Variants in FNBP1L observed in about 807,000 individuals in gnomAD.
FNBP1L encodes formin binding protein 1 like.
A neutral mutation model predicts 91.2 loss-of-function variants in FNBP1L; 36 were observed. The ratio of observed to expected loss-of-function variants is 0.39; its 90% CI spans 0.30 to 0.52. The LOEUF is 0.52. Ranked by LOEUF, FNBP1L falls within the 20% of genes least tolerant of loss-of-function variation. The pLI is 0.66. For missense variants in FNBP1L, 571 were observed against 732.1 expected (o/e 0.78, Z 2.54); for synonymous variants, 242 against 237.0 (o/e 1.02, Z -0.19).
chr1:93,548,834 T>G (rs1672318970), intron 14 of FNBP1L, among the ~76,000 whole-genome samples: 1 of 152,178 alleles, frequency 6.6e-6, no homozygotes. Flanking sequence ...TGTGAACTGG[T>G]TATATAGATG....
chr1:93,529,352 C>G (rs1196504184), intron 5 of FNBP1L, among the ~76,000 whole-genome samples: 1 of 151,974 alleles, frequency 6.6e-6, no homozygotes, highest in African/African-American at 2.4e-5. Flanking sequence ...AATTTATTTT[C>G]TAATTTAGAA....
chr1:93,513,868 G>A (rs1428343537), intron 2 of FNBP1L, among the ~76,000 whole-genome samples: 1 of 152,170 alleles, frequency 6.6e-6, no homozygotes, highest in Non-Finnish European at 1.5e-5. Flanking sequence ...ACAAGACAGG[G>A]ATGCCCTCTC....
rs535545301 is a variant in FNBP1L at position 93,513,510 on chromosome 1, A to G, written c.141-8572A>G. Among the ~76,000 whole-genome samples the G allele has an allele frequency of 4.3e-4, 65 of 151,958 alleles. 1 individual carries two copies. Among genetic ancestry groups the G allele is most frequent in the Admixed American group, 1.4e-3 (21 of 15,260 alleles). On this transcript the variant is annotated intron_variant, in intron 2 of 16. Coordinates refer to ENST00000271234, the MANE Select transcript of FNBP1L (RefSeq NM_001164473.3). The stretch of plus-strand genomic sequence containing the variant: ...AATATCCTTGATGAACATTGATGCA[A>G]AAATCCTCAATAAAATACTGGCAAA...
At chr1:93,532,191 G>T (rs952966522) in intron 7 of FNBP1L, among the ~76,000 whole-genome samples, 1 of 150,910 alleles carries the variant, frequency 6.6e-6, no homozygotes, top group Admixed American at 6.6e-5. Context: ...AGACTTGGCC[G>T]GGGGCAGTGG....
In FNBP1L at chr1:93,550,913, T is replaced by C. The variant is rs1439081343; in HGVS notation, c.1652-34T>C. On this transcript the variant is annotated intron_variant, in intron 15 of 16. Coordinates refer to ENST00000271234, the MANE Select transcript of FNBP1L (RefSeq NM_001164473.3). ...GTAACTTTAAAAAAAATTATCACAA[T>C]GCTTAAATTATGCTTGTGAAAACTC... 3.4e-6 allele frequency: 5 copies of C among 1,490,692 alleles called. No homozygotes were observed. The South Asian group carries it at 7.2e-5, about 21-fold the overall frequency. The allele number at this position is 1,490,692 out of a possible 1,614,324, so 92.3% of individuals were successfully genotyped here. A position where few individuals can be genotyped will look rare whatever the true frequency, so the allele number is the denominator to read the frequency against.
intron 2 of FNBP1L, among the ~76,000 whole-genome samples, chr1:93,515,790 G>A (rs945312207): frequency 3.3e-4 from 50 of 151,252 alleles, no homozygotes; most frequent in African/African-American, 1.2e-3. Flanking sequence ...GGGAGGTATA[G>A]CATTGGGAGA....
intron 1 of FNBP1L, among the ~76,000 whole-genome samples, chr1:93,484,350 G>C (rs996320585): frequency 6.6e-6 from 1 of 152,196 alleles, no homozygotes; most frequent in African/African-American, 2.4e-5. Flanking sequence ...CAGTCACCAA[G>C]TAGATTGAGT....
intron 1 of FNBP1L, among the ~76,000 whole-genome samples, chr1:93,473,521 C>G (rs917090653): frequency 7.2e-5 from 11 of 152,146 alleles, no homozygotes; most frequent in African/African-American, 2.7e-4. Context: ...TATTAATCCT[C>G]TAGTGGGGGT....
intron 1 of FNBP1L, among the ~76,000 whole-genome samples, chr1:93,477,184 A>G (rs926503394): frequency 4.6e-5 from 7 of 152,248 alleles, no homozygotes; most frequent in South Asian, 2.1e-4. Flanking sequence ...AGGCTATTGC[A>G]GTATTAAACA....
intron 2 of FNBP1L, among the ~76,000 whole-genome samples, chr1:93,503,336 G>C (rs868849456): frequency 1.3e-5 from 2 of 152,146 alleles, no homozygotes; most frequent in African/African-American, 4.8e-5. Context: ...CCATGATTCA[G>C]TTATCTCCAC....
At chr1:93,540,844 CTTTTT>C (rs55649797) in intron 10 of FNBP1L, among the ~76,000 whole-genome samples, 193 bp from the exon 11 acceptor site, 1 of 122,898 alleles carries the variant, frequency 8.1e-6, no homozygotes. Context: ...TCAATGTATG[CTTTTT>C]TTTTTTTTTT....
chr1:93,487,761 A>T (rs1360764642), intron 1 of FNBP1L, among the ~76,000 whole-genome samples: 1 of 152,112 alleles, frequency 6.6e-6, no homozygotes, highest in Non-Finnish European at 1.5e-5. Context: ...CTTGTACCTC[A>T]CTGGTCACTC....
In FNBP1L at chr1:93,523,360, G is replaced by C; in HGVS notation, c.211G>C (p.Ala71Pro). ...DEEPRFTSCV[A>P]FFNILNELND... ...TTTTGCCAGGTTTACCTCGTGTGTA[G>C]CCTTTTTTAATATCCTTAATGAGTT... The change falls in exon 4 of 17, where the codon GCC (alanine) becomes CCC (proline). Residue 71 changes from alanine (A) to proline (P), a missense_variant. Ala to Pro is a conservative substitution (Grantham distance 27). This residue lies in a region of FNBP1L where 220 missense variants were observed against 313.6 expected (regional missense o/e 0.70). Coordinates refer to ENST00000271234, the MANE Select transcript of FNBP1L (RefSeq NM_001164473.3). 6.2e-7 allele frequency: 1 copy of C among 1,604,364 alleles called. No homozygotes were observed. The highest frequency in any genetic ancestry group is 8.5e-7 in the Non-Finnish European group (1 of 1,175,760).
intron 10 of FNBP1L, among the ~76,000 whole-genome samples, chr1:93,540,109 G>C (rs988803296): frequency 1.3e-5 from 2 of 152,036 alleles, no homozygotes; most frequent in Admixed American, 6.6e-5. Flanking sequence ...ATGCTAGATA[G>C]ATGCCATGCC....
intron 7 of FNBP1L, among the ~76,000 whole-genome samples, chr1:93,531,108 T>C (rs1671663366): frequency 6.6e-6 from 1 of 152,218 alleles, no homozygotes; most frequent in African/African-American, 2.4e-5. Flanking sequence ...ACTAAAACAA[T>C]GACATTTGTA....
At chr1:93,500,073 A>G (rs1670395318) in intron 2 of FNBP1L, among the ~76,000 whole-genome samples, 1 of 152,220 alleles carries the variant, frequency 6.6e-6, no homozygotes, top group Admixed American at 6.5e-5. Context: ...TAAAAGTTTT[A>G]AAGAGAAAAT....
At chr1:93,543,989 T>TAATA in intron 11 of FNBP1L, 118 bp from the exon 12 acceptor site, 1 of 590,238 alleles carries the variant, frequency 1.7e-6, no homozygotes, top group East Asian at 3.4e-5. Flanking sequence ...AGGGGTTGCT[T>TAATA]GAGGCAAATT....
chr1:93,509,169 T>C (rs1176140067), intron 2 of FNBP1L, among the ~76,000 whole-genome samples: 5 of 152,186 alleles, frequency 3.3e-5, no homozygotes, highest in African/African-American at 1.2e-4. Context: ...GAATGATAAA[T>C]TCCAAATCCC....
chr1:93,457,503 G>A (rs1052357757), intron 1 of FNBP1L, among the ~76,000 whole-genome samples: 4 of 151,938 alleles, frequency 2.6e-5, no homozygotes, highest in Non-Finnish European at 5.9e-5. Flanking sequence ...TTTTTCCCCT[G>A]TATCTCTTGC....
Sources: allele counts gnomAD v4.1 joint callset (sites outside exome capture counted in the v4.1 genomes callset), GRCh38; gene constraint gnomAD v4.1.1; regional missense constraint gnomAD v4.1.1; transcripts MANE v1.5; gene names NCBI Gene and HGNC (gene_info 2026-07-23, HGNC 2026-07-21).